Variants in RAB40A observed in about 807,000 individuals in gnomAD.
RAB40A encodes the protein RAB40A, member RAS oncogene family, also known as ras-related protein Rab-40A.
For synonymous variants in RAB40A, 65 were observed against 99.9 expected (o/e 0.65, Z 2.08); for missense variants, 145 against 230.2 (o/e 0.63, Z 2.40).
At chrX:103,495,182 A>C (rs762921579), downstream of RAB40A, among the ~76,000 whole-genome samples, 1 of 111,159 alleles carries the variant, frequency 9.0e-6, no homozygotes, top group Non-Finnish European at 1.9e-5. Flanking sequence ...TGTAAATGGG[A>C]TTACTTTTAA....
Position 103,500,766 on chromosome X carries a change from C to T in RAB40A, c.-10G>A. ...TGCCCGGGGCGCTCATGGTGCTGGC[C>T]CCGCACTCCCGCCTGAGCCAGGCCC... On this transcript the variant is annotated 5_prime_UTR_variant, in exon 3 of 3. Coordinates refer to ENST00000304236, the MANE Select transcript of RAB40A (RefSeq NM_080879.3). 1.7e-6 allele frequency: 2 copies of T among 1,204,112 alleles called. No individual in the cohort carries two copies. Among genetic ancestry groups the T allele is most frequent in the South Asian group, 3.6e-5 (2 of 55,400 alleles).
intron 2 of RAB40A, among the ~76,000 whole-genome samples, chrX:103,510,525 A>C (rs1363585077): frequency 8.9e-6 from 1 of 112,554 alleles, no homozygotes; most frequent in African/African-American, 3.2e-5. Context: ...AATAGGATGA[A>C]AGTGAGTAGA....
downstream of RAB40A, among the ~76,000 whole-genome samples, chrX:103,498,583 C>T (rs1410829214): frequency 3.6e-5 from 4 of 112,242 alleles, no homozygotes; most frequent in Admixed American, 3.8e-4. Context: ...CTGCAAACAT[C>T]CCTGTTTCTT....
intron 2 of RAB40A, chrX:103,501,799 A>G (rs2073229141): frequency 8.1e-6 from 1 of 123,502 alleles, no homozygotes; most frequent in Non-Finnish European, 1.9e-5. Flanking sequence ...TTAAATGTAG[A>G]AAAAAACCGA....
rs915126079 is a variant in RAB40A at position 103,511,130 on chromosome X, C to T, written c.-71+6244G>A. ...ACAATAGCAAAGACTTGGAACCAAC[C>T]CGAATGCCCATCAATGATAGTCTGG... is the stretch of plus-strand genomic sequence containing the variant. On this transcript the variant is annotated intron_variant, in intron 2 of 2. Coordinates refer to ENST00000304236, the MANE Select transcript of RAB40A (RefSeq NM_080879.3). Among the ~76,000 whole-genome samples, 9 of 111,435 alleles carry T rather than the reference C, an allele frequency of 8.1e-5. 1 individual carries two copies. The highest frequency in any genetic ancestry group is 7.6e-4 in the Admixed American group (8 of 10,478).
chrX:103,502,173 C>T (rs1268898133), intron 2 of RAB40A: 1 of 121,922 alleles, frequency 8.2e-6, no homozygotes, highest in Non-Finnish European at 1.9e-5. Context: ...TCTAAATACT[C>T]ATCAATACAG....
intron 2 of RAB40A, among the ~76,000 whole-genome samples, chrX:103,506,244 C>T (rs1403544480): frequency 9.0e-6 from 1 of 111,366 alleles, no homozygotes; most frequent in Non-Finnish European, 1.9e-5. Context: ...TTACATTGTA[C>T]CCAGTAGGTG....
chrX:103,518,143 T>C (rs1209041367), intron 1 of RAB40A, among the ~76,000 whole-genome samples: 6 of 111,850 alleles, frequency 5.4e-5, no homozygotes, highest in African/African-American at 1.6e-4. Flanking sequence ...AGAAATTCTA[T>C]TGGACTCCAC....
downstream of RAB40A, among the ~76,000 whole-genome samples, chrX:103,498,526 T>G (rs893694002): frequency 8.9e-6 from 1 of 112,793 alleles, no homozygotes; most frequent in African/African-American, 3.2e-5. Context: ...TGCTAGTCTC[T>G]GCTTTTCCAC....
At chrX:103,494,790 T>G (rs917108470), downstream of RAB40A, among the ~76,000 whole-genome samples, 1 of 111,747 alleles carries the variant, frequency 8.9e-6, no homozygotes, top group African/African-American at 3.3e-5. Context: ...TCTGTTTTTA[T>G]GCCAGTACCA....
At chrX:103,508,444 A>G (rs1210204964) in intron 2 of RAB40A, among the ~76,000 whole-genome samples, 1 of 111,991 alleles carries the variant, frequency 8.9e-6, no homozygotes, top group East Asian at 2.8e-4. Flanking sequence ...ACTGAGCTGT[A>G]TGAGGGGTTA....
chrX:103,502,731 G>A, intron 2 of RAB40A: 1 of 764,818 alleles, frequency 1.3e-6, no homozygotes, highest in Non-Finnish European at 1.6e-6. Context: ...GGTGAGGGAT[G>A]AAACCTCATT....
At chrX:103,517,327 G>T (rs2073321694) in intron 2 of RAB40A, 47 bp downstream of exon 2, 1 of 111,204 alleles carries the variant, frequency 9.0e-6, no homozygotes, top group Non-Finnish European at 1.9e-5. Flanking sequence ...TCTATACTGA[G>T]TATCCTTCTG....
chrX:103,504,504 A>T (rs1569374600), intron 2 of RAB40A, among the ~76,000 whole-genome samples: 1 of 110,744 alleles, frequency 9.0e-6, no homozygotes, highest in Admixed American at 9.7e-5. Flanking sequence ...AAGGCATCAG[A>T]ATATATATAT....
Position 103,500,230 on chromosome X carries a change from A to T in RAB40A, c.527T>A (p.Leu176Gln). Residue 176 changes from leucine (L) to glutamine (Q), a missense_variant, in exon 3 of 3, where the codon CTG becomes CAG. By Grantham distance (113) the Leu-to-Gln change is moderately radical. Transcript: ENST00000304236. Reference sequence around the variant, plus strand: ...CCCGAGCCAATTCATCCTGTGCCGCAGCAGCACTATCCTGGCCAGCTCCGT... The same window carrying T: ...CCCGAGCCAATTCATCCTGTGCCGCTGCAGCACTATCCTGGCCAGCTCCGT... ...SFTELARIVL[L>Q]RHRMNWLGRP... is the part of the protein sequence containing the mutation. 1 of 1,211,355 alleles carries T rather than the reference A, an allele frequency of 8.3e-7. No individual in the cohort carries two copies. The highest frequency in any genetic ancestry group is 1.1e-6 in the Non-Finnish European group (1 of 895,066).
Position 103,499,772 on chromosome X carries a change from G to T in RAB40A, c.*151C>A. ...TCAAACTGTGTAATGTGTTTTTATT[G>T]ACAGAAGGCATCACACACATTCCCA... On this transcript the variant is annotated 3_prime_UTR_variant, in exon 3 of 3. Transcript: ENST00000304236. 1.6e-6 allele frequency: 1 copy of T among 611,225 alleles called. No individual in the cohort carries two copies. Among genetic ancestry groups the T allele is most frequent in the Non-Finnish European group, 2.6e-6 (1 of 381,044 alleles). The allele number at this position is 611,225 out of a possible 1,213,427, so 50.4% of individuals were successfully genotyped here. A position where few individuals can be genotyped will look rare whatever the true frequency, so the allele number is the denominator to read the frequency against.
chrX:103,511,973 G>A (rs1175414266), intron 2 of RAB40A, among the ~76,000 whole-genome samples: 1 of 111,379 alleles, frequency 9.0e-6, no homozygotes, highest in Non-Finnish European at 1.9e-5. Flanking sequence ...CACAGGGAGA[G>A]CAATATGTGG....
intron 1 of RAB40A, among the ~76,000 whole-genome samples, chrX:103,517,875 CCT>C (rs1486709593): frequency 9.0e-6 from 1 of 111,651 alleles, no homozygotes; most frequent in Non-Finnish European, 1.9e-5. Flanking sequence ...AGGAAGATTC[CCT>C]CTCTCTGCTG....
intron 2 of RAB40A, among the ~76,000 whole-genome samples, chrX:103,511,221 G>A (rs1018338307): frequency 2.8e-4 from 31 of 111,310 alleles, no homozygotes; most frequent in Non-Finnish European, 5.1e-4. Context: ...GAGTTTGGCC[G>A]GGCACGGTGG....
Sources: allele counts gnomAD v4.1 joint callset (sites outside exome capture counted in the v4.1 genomes callset), GRCh38; gene constraint gnomAD v4.1.1; transcripts MANE v1.5; gene names NCBI Gene and HGNC (gene_info 2026-07-23, HGNC 2026-07-21).